The following COL5A1 variants were observed in gnomAD, a reference collection of about 807,000 sequenced individuals.
The protein encoded by COL5A1 is collagen alpha-1(V) chain.
Under a neutral mutation model 263.7 loss-of-function variants are expected in COL5A1, and 16 were observed. That is an observed-to-expected ratio of 0.06 (90% CI 0.04 to 0.09). COL5A1 has a LOEUF of 0.09. Among genes scored for constraint, COL5A1 ranks in the 10% least tolerant of loss-of-function variants. COL5A1 has a pLI of 1.00. For missense variants in COL5A1, 2,036 were observed against 2,540.5 expected (o/e 0.80, Z 4.27); for synonymous variants, 1,012 against 1,004.5 (o/e 1.01, Z -0.14).
chr9:134,655,762 G>A (rs1831950248), intron 1 of COL5A1, among the ~76,000 whole-genome samples: 2 of 152,152 alleles, frequency 1.3e-5, no homozygotes, highest in Admixed American at 1.3e-4. Context: ...CAGCCCGAAG[G>A]CTGTGGGTGA....
In COL5A1 at chr9:134,727,416, G is replaced by C. The variant is rs755147360; in HGVS notation, c.786+19G>C. The C allele has an allele frequency of 6.2e-7, 1 of 1,613,960 alleles. No individual in the cohort carries two copies. The highest frequency in any genetic ancestry group is 1.1e-5 in the South Asian group (1 of 91,072). On this transcript the variant is annotated intron_variant, in intron 5 of 65. Transcript: ENST00000371817. ...TGAATATGTGAGTTAACTCTGGCTG[G>C]GATCTTGGGGAGCATGAGCAGACTA... is the stretch of plus-strand genomic sequence containing the variant.
At chr9:134,840,357 C>T (rs78690652) in intron 65 of COL5A1, among the ~76,000 whole-genome samples, 3 of 152,164 alleles carry the variant, frequency 2.0e-5, no homozygotes, top group Admixed American at 1.3e-4. Flanking sequence ...TTGGGACTCT[C>T]ATGGATAATA....
At chr9:134,734,231 T>C (rs1348159356) in intron 9 of COL5A1, among the ~76,000 whole-genome samples, 1 of 152,110 alleles carries the variant, frequency 6.6e-6, no homozygotes, top group Middle Eastern at 3.2e-3. Flanking sequence ...AGGAACATCA[T>C]GGCTCTGGAA....
intron 6 of COL5A1, 48 bp from the exon 7 acceptor site, chr9:134,730,188 C>G: frequency 6.2e-7 from 1 of 1,607,330 alleles, no homozygotes; most frequent in South Asian, 1.1e-5. Flanking sequence ...CCTGGCACCA[C>G]TGCCGGCCTC....
In COL5A1 at chr9:134,765,697, T is replaced by C; in HGVS notation, c.2051T>C (p.Leu684Pro). 1 of 1,613,790 alleles carries C rather than the reference T, an allele frequency of 6.2e-7. No homozygotes were observed. The highest frequency in any genetic ancestry group is 8.5e-7 in the Non-Finnish European group (1 of 1,179,762). The change falls in exon 21 of 66, where the codon CTT becomes CCT. Residue 684 changes from leucine to proline, a missense_variant. By Grantham distance (98) the Leu-to-Pro change is moderately conservative. Transcript: ENST00000371817. The surrounding 1 kb of genome is among the most constrained non-coding windows in gnomAD (Gnocchi z 5.1). The stretch of plus-strand genomic sequence containing the variant: ...CTCTTACAGGGGCCACGTGGTCTGC[T>C]TGGGCCGAAGGGGCCCCCAGGTCCT... ...LPGEPGPRGL[L>P]GPKGPPGPPG...
chr9:134,668,962 T>C (rs1004900586), intron 1 of COL5A1, among the ~76,000 whole-genome samples: 1 of 132,382 alleles, frequency 7.6e-6, no homozygotes, highest in African/African-American at 2.8e-5. Context: ...CACCCATCCA[T>C]CCATCCATCC....
chr9:134,658,690 G>A (rs927910123), intron 1 of COL5A1, among the ~76,000 whole-genome samples: 8 of 151,806 alleles, frequency 5.3e-5, no homozygotes, highest in Non-Finnish European at 1.2e-4. Context: ...TACCCTGCCC[G>A]GCTTCTGTCC....
intron 28 of COL5A1, 112 bp downstream of exon 28, chr9:134,780,258 C>T: frequency 9.9e-7 from 1 of 1,007,506 alleles, no homozygotes; most frequent in Admixed American, 1.7e-5. Flanking sequence ...GTGGATGTCG[C>T]CTCTGAGTAC....
intron 59 of COL5A1, among the ~76,000 whole-genome samples, chr9:134,822,720 G>A (rs35328624): frequency 4.2e-5 from 6 of 141,764 alleles, no homozygotes; most frequent in African/African-American, 1.2e-4. Flanking sequence ...TTTCCGCTGC[G>A]CCCCCCCCGC....
In COL5A1 at chr9:134,815,950, C is replaced by T. The variant is rs2132856128; in HGVS notation, c.4084C>T (p.Pro1362Ser). 6 of 1,614,074 alleles carry T rather than the reference C, an allele frequency of 3.7e-6. No homozygotes were observed. The highest frequency in any genetic ancestry group is 4.2e-6 in the Non-Finnish European group (5 of 1,180,024). ...GCCTCCATAGGGTCAAGATGGTCCCCCTGGTGACAAAGGAGATGATGGTGA... is the reference window on the plus strand; with the variant it reads ...GCCTCCATAGGGTCAAGATGGTCCCTCTGGTGACAAAGGAGATGATGGTGA... ...EPGPAGQDGPPGDKGDDGEPG... is the reference protein window; with the variant it reads ...EPGPAGQDGPSGDKGDDGEPG... Residue 1362 changes from proline to serine, a missense_variant, in exon 52 of 66, where the codon CCT becomes TCT. Pro to Ser is a moderately conservative substitution (Grantham distance 74). This residue lies in a region of COL5A1 where 1,078 missense variants were observed against 1,521.4 expected (regional missense o/e 0.71). Coordinates refer to ENST00000371817, the MANE Select transcript of COL5A1 (RefSeq NM_000093.5).
In COL5A1 at chr9:134,795,063, G is replaced by T. The variant is rs1564463693; in HGVS notation, c.2701-19G>T. 1 of 1,613,630 alleles carries T rather than the reference G, an allele frequency of 6.2e-7. No homozygotes were observed. Among genetic ancestry groups the T allele is most frequent in the Non-Finnish European group, 8.5e-7 (1 of 1,179,652 alleles). The stretch of plus-strand genomic sequence containing the variant: ...CGGGCATTTAGAGAGTGACTGACCA[G>T]CCCCTTCTCTGATTCTAGGGGACCC... On this transcript the variant is annotated intron_variant, in intron 32 of 65. Coordinates refer to ENST00000371817, the MANE Select transcript of COL5A1 (RefSeq NM_000093.5).
At chr9:134,750,499 C>G (rs1835737482) in intron 11 of COL5A1, 43 bp from the exon 12 acceptor site, 1 of 1,578,460 alleles carries the variant, frequency 6.3e-7, no homozygotes, top group African/African-American at 1.3e-5. Flanking sequence ...CAGCCCTGGC[C>G]TGGTTGCACT....
intron 1 of COL5A1, among the ~76,000 whole-genome samples, chr9:134,679,232 C>A (rs1007295116): frequency 3.9e-5 from 6 of 152,132 alleles, no homozygotes; most frequent in South Asian, 2.1e-4. Flanking sequence ...CCGATCTGTC[C>A]CCTGCACTGT....
At chr9:134,788,598 TAGAC>T (rs1837554569) in intron 31 of COL5A1, among the ~76,000 whole-genome samples, 1 of 149,254 alleles carries the variant, frequency 6.7e-6, no homozygotes, top group Non-Finnish European at 1.5e-5. Flanking sequence ...GGTAGGTGGA[TAGAC>T]AGATAGATGG....
intron 9 of COL5A1, among the ~76,000 whole-genome samples, chr9:134,737,135 C>A (rs1835129487): frequency 6.6e-6 from 1 of 152,254 alleles, no homozygotes; most frequent in African/African-American, 2.4e-5. Flanking sequence ...GAACTCTCTG[C>A]AGAGCCTCTG....
chr9:134,765,227 C>G lies in COL5A1; in HGVS notation c.2035-454C>G, dbSNP rs1564444837. ...CACCTGGTGCTCTCCTGCCCGCACC[C>G]TCTGACCCTGTGATATCATAAAAAC... On this transcript the variant is annotated intron_variant, in intron 20 of 65. Transcript: ENST00000371817. The surrounding 1 kb of genome is among the most constrained non-coding windows in gnomAD (Gnocchi z 5.1). Among the ~76,000 whole-genome samples the G allele has an allele frequency of 1.3e-5, 2 of 152,314 alleles. No individual in the cohort carries two copies. Among genetic ancestry groups the G allele is most frequent in the African/African-American group, 4.8e-5 (2 of 41,570 alleles).
chr9:134,744,849 A>G (rs1835447578), intron 11 of COL5A1, among the ~76,000 whole-genome samples: 1 of 149,608 alleles, frequency 6.7e-6, no homozygotes, highest in Non-Finnish European at 1.5e-5. Flanking sequence ...ATCCATACAC[A>G]TGCACACACA....
chr9:134,770,319 C>T (rs961473277), intron 25 of COL5A1, among the ~76,000 whole-genome samples: 2 of 152,200 alleles, frequency 1.3e-5, no homozygotes, highest in African/African-American at 4.8e-5. Flanking sequence ...TCAGAGCAGA[C>T]TCAGTGCCTA....
intron 4 of COL5A1, among the ~76,000 whole-genome samples, chr9:134,714,829 G>A (rs1212738290): frequency 1.4e-5 from 2 of 145,792 alleles, no homozygotes; most frequent in East Asian, 4.1e-4. Flanking sequence ...GGCGATGATG[G>A]TGGTGGTGGT....
Sources: allele counts gnomAD v4.1 joint callset (sites outside exome capture counted in the v4.1 genomes callset), GRCh38; gene constraint gnomAD v4.1.1; regional missense constraint gnomAD v4.1.1; non-coding constraint Gnocchi (gnomAD v3.1); transcripts MANE v1.5; gene names NCBI Gene and HGNC (gene_info 2026-07-23, HGNC 2026-07-21).